Variants in NCAM1 observed in about 807,000 individuals in gnomAD.
The protein encoded by NCAM1 is antigen recognized by monoclonal antibody 5.1H11.
Under a neutral mutation model 109.8 loss-of-function variants are expected in NCAM1, and 14 were observed. That is an observed-to-expected ratio of 0.13 (90% confidence interval 0.08 to 0.20). The LOEUF is 0.20. Among genes scored for constraint, NCAM1 ranks in the 10% least tolerant of loss-of-function variants. NCAM1 has a pLI of 1.00. For synonymous variants in NCAM1, 418 were observed against 442.9 expected, an observed-to-expected ratio of 0.94 and a Z score of 0.70; for missense variants, 774 against 1,109.9, an observed-to-expected ratio of 0.70 and a Z score of 4.30.
intron 8 of NCAM1, among the ~76,000 whole-genome samples, chr11:113,220,670 C>T (rs1168384987): frequency 3.8e-5 from 5 of 130,404 alleles, no homozygotes; most frequent in East Asian, 4.8e-4. Context: ...TGCAGTGGTG[C>T]GATCTCGCTC....
rs375016436 is a variant in NCAM1 at position 113,260,334 on chromosome 11, C to A, written c.2131+11C>A. On this transcript the variant is annotated intron_variant, in intron 17 of 19. Transcript: ENST00000316851. ...CCACAGCCATCCCAGGTATGGCTGC[C>A]TCTGCTTTCTGTTTGTTTCCGCTTT... 1.2e-5 allele frequency: 19 copies of A among 1,607,852 alleles called. No individual in the cohort carries two copies. The highest frequency in any genetic ancestry group is 1.6e-5 in the Non-Finnish European group (19 of 1,177,666).
chr11:113,001,235 C>G (rs782395124), intron 1 of NCAM1, among the ~76,000 whole-genome samples: 1 of 152,164 alleles, frequency 6.6e-6, no homozygotes, highest in South Asian at 2.1e-4. Flanking sequence ...ATACTGTGAA[C>G]AGCAAGCATG....
intron 1 of NCAM1, among the ~76,000 whole-genome samples, chr11:113,176,903 T>A (rs1188727722): frequency 6.6e-6 from 1 of 152,254 alleles, no homozygotes; most frequent in Non-Finnish European, 1.5e-5. Flanking sequence ...CAACTTCTTA[T>A]GAGGACTGCA....
rs1383147978 is a variant in NCAM1, at chr11:113,273,106, C to T, written c.2456+1230C>T. 4.4e-6 allele frequency: 2 copies of T among 455,972 alleles called. No individual in the cohort carries two copies. Among genetic ancestry groups the T allele is most frequent in the African/African-American group, 4.0e-5 (2 of 50,070 alleles). The allele number at this position is 455,972 out of a possible 1,614,324, so 28.2% of individuals were successfully genotyped here. On this transcript the variant is annotated intron_variant, in intron 19 of 19. Coordinates refer to ENST00000316851, the MANE Select transcript of NCAM1 (RefSeq NM_181351.5). This position sits in a 1 kb window ranked among gnomAD's most constrained non-coding sequence, Gnocchi z 6.0. ...CCGCCGGCCACGGCCACGCCTGACT[C>T]AAACTCTGTACCGGCTGGCCAGGCC...
intron 1 of NCAM1, among the ~76,000 whole-genome samples, chr11:113,004,751 A>C (rs1303732163): frequency 6.6e-6 from 1 of 150,578 alleles, no homozygotes; most frequent in Non-Finnish European, 1.5e-5. Context: ...TTTGTTAGAC[A>C]CTCAATGGGA....
At chr11:113,136,909 G>A (rs1941621726) in intron 1 of NCAM1, among the ~76,000 whole-genome samples, 1 of 152,182 alleles carries the variant, frequency 6.6e-6, no homozygotes, top group African/African-American at 2.4e-5. Context: ...TCAGACTGGG[G>A]ACATGGAGAG....
intron 9 of NCAM1, among the ~76,000 whole-genome samples, chr11:113,228,196 C>T (rs1944904578): frequency 6.6e-6 from 1 of 152,120 alleles, no homozygotes; most frequent in Non-Finnish European, 1.5e-5. Flanking sequence ...ATCATCTCAG[C>T]CCCAAATCTC....
intron 1 of NCAM1, among the ~76,000 whole-genome samples, chr11:113,184,265 G>A (rs1160727187): frequency 6.6e-6 from 1 of 152,176 alleles, no homozygotes; most frequent in Non-Finnish European, 1.5e-5. Flanking sequence ...GGAAACAATT[G>A]AAATTTTTCT....
chr11:113,060,724 T>C (rs1953886166), intron 1 of NCAM1, among the ~76,000 whole-genome samples: 1 of 152,188 alleles, frequency 6.6e-6, no homozygotes, highest in Non-Finnish European at 1.5e-5. Context: ...TATTTAAACT[T>C]TTATATTTGG....
intron 1 of NCAM1, among the ~76,000 whole-genome samples, chr11:112,990,120 T>A (rs144285260): frequency 1.4e-3 from 206 of 152,346 alleles, no homozygotes; most frequent in African/African-American, 4.6e-3. Context: ...CTGGATGGAC[T>A]GGACTGTCTC....
intron 16 of NCAM1, 75 bp from the exon 17 acceptor site, chr11:113,260,071 T>G: frequency 1.4e-6 from 2 of 1,381,054 alleles, no homozygotes; most frequent in Non-Finnish European, 2.0e-6. Flanking sequence ...TTTTGCCTAT[T>G]GTCTGGTCTT....
chr11:113,038,035 G>A (rs576214885), intron 1 of NCAM1, among the ~76,000 whole-genome samples: 7 of 152,284 alleles, frequency 4.6e-5, no homozygotes, highest in African/African-American at 1.7e-4. Flanking sequence ...CCAACCAGGG[G>A]CTTCCTGACA....
chr11:113,061,517 A>C (rs1367094070), intron 1 of NCAM1, among the ~76,000 whole-genome samples: 1 of 152,196 alleles, frequency 6.6e-6, no homozygotes, highest in Admixed American at 6.5e-5. Flanking sequence ...GTTTATTGCC[A>C]CTTGCAATGG....
intron 1 of NCAM1, among the ~76,000 whole-genome samples, chr11:113,170,073 ATT>A (rs1267258732): frequency 1.3e-5 from 2 of 152,144 alleles, no homozygotes; most frequent in Non-Finnish European, 1.5e-5. Flanking sequence ...TTATATTTAT[ATT>A]TCTGTGGTGC....
chr11:113,263,273 G>A, intron 17 of NCAM1: 1 of 1,022,704 alleles, frequency 9.8e-7, no homozygotes, highest in Non-Finnish European at 1.2e-6. Flanking sequence ...ACCTAAATAT[G>A]ATGTAGCAGA....
chr11:113,275,473 C>T lies in NCAM1; in HGVS notation c.*86C>T, dbSNP rs192793968. On this transcript the variant is annotated 3_prime_UTR_variant, in exon 20 of 20. Transcript: ENST00000316851. ...ATTTCCAACACCACAGACACACACA[C>T]GCACGCACACACACAAACACACATG... 7.7e-4 allele frequency: 1,143 copies of T among 1,482,852 alleles called. 3 individuals carry two copies. The highest frequency in any genetic ancestry group is 9.1e-4 in the Non-Finnish European group (987 of 1,089,916). 91.9% of individuals were successfully genotyped at this position (1,482,852 alleles called of 1,614,324 possible).
At chr11:113,247,055 A>G (rs1314406786) in intron 15 of NCAM1, among the ~76,000 whole-genome samples, 4 of 152,206 alleles carry the variant, frequency 2.6e-5, no homozygotes. Flanking sequence ...TAATCAAGAA[A>G]CACATGATTG....
chr11:113,221,361 T>C (rs1388070080), intron 9 of NCAM1, 36 bp downstream of exon 9: 4 of 1,559,424 alleles, frequency 2.6e-6, no homozygotes, highest in Non-Finnish European at 3.5e-6. Context: ...GTCTTTAGTT[T>C]TGAAAGCATT....
intron 13 of NCAM1, among the ~76,000 whole-genome samples, chr11:113,234,370 C>A (rs1555117865): frequency 6.6e-6 from 1 of 151,840 alleles, no homozygotes; most frequent in African/African-American, 2.4e-5. Flanking sequence ...TAAGTTGTAA[C>A]CATCACCACC....
Sources: allele counts gnomAD v4.1 joint callset (sites outside exome capture counted in the v4.1 genomes callset), GRCh38; gene constraint gnomAD v4.1.1; non-coding constraint Gnocchi (gnomAD v3.1); transcripts MANE v1.5; gene names NCBI Gene and HGNC (gene_info 2026-07-23, HGNC 2026-07-21).